Variants in CTNNA2 observed in about 807,000 individuals in gnomAD.
CTNNA2 encodes the protein catenin alpha-2.
A neutral mutation model predicts 101.0 loss-of-function variants in CTNNA2; 42 were observed. The ratio of observed to expected loss-of-function variants is 0.42; its 90% confidence interval spans 0.32 to 0.54. The LOEUF (loss-of-function observed/expected upper bound fraction) is 0.54. Among genes scored for constraint, CTNNA2 ranks in the 20% least tolerant of loss-of-function variants. CTNNA2 has a pLI of 0.14. For synonymous variants in CTNNA2, 450 were observed against 456.4 expected (o/e 0.99, Z 0.18); for missense variants, 871 against 1,223.1 (o/e 0.71, Z 4.29).
At chr2:79,900,997 A>G (rs1277684856) in intron 6 of CTNNA2, among the ~76,000 whole-genome samples, 1 of 152,174 alleles carries the variant, frequency 6.6e-6, no homozygotes. Context: ...TAGAATGGGG[A>G]TGATGATTAA....
intron 7 of CTNNA2, among the ~76,000 whole-genome samples, chr2:80,316,664 T>C (rs1164542235): frequency 6.6e-6 from 1 of 152,198 alleles, no homozygotes; most frequent in Admixed American, 6.5e-5. Flanking sequence ...TGTGTGATGT[T>C]TGCTTGCCAT....
Position 79,931,796 on chromosome 2 carries a change from A to G in CTNNA2, c.1056+21999A>G, listed in dbSNP as rs560833927. On this transcript the variant is annotated intron_variant, in intron 7 of 18. Coordinates refer to ENST00000402739, the MANE Select transcript of CTNNA2 (RefSeq NM_001282597.3). ...ATACAAGCAGATGTTTGCAAAGGCAATACAGGCAAGCAAGTTCAGCTTAAT... is the reference window on the plus strand; with the variant it reads ...ATACAAGCAGATGTTTGCAAAGGCAGTACAGGCAAGCAAGTTCAGCTTAAT... Among the ~76,000 whole-genome samples the G allele has an allele frequency of 1.2e-4, 19 of 152,244 alleles. No homozygotes were observed. The South Asian group carries it at 2.1e-3, about 17-fold the overall frequency.
At chr2:80,200,631 G>A (rs1281119860) in intron 7 of CTNNA2, among the ~76,000 whole-genome samples, 2 of 152,120 alleles carry the variant, frequency 1.3e-5, no homozygotes, top group Non-Finnish European at 2.9e-5. Flanking sequence ...CACCTCCTGG[G>A]TTCAAGCAAT....
At chr2:80,358,284 A>G (rs11890058) in intron 7 of CTNNA2, among the ~76,000 whole-genome samples, 2,546 of 151,786 alleles carry the variant, frequency 0.017, 75 homozygotes, top group African/African-American at 0.057. Flanking sequence ...CATGTAATAG[A>G]TATCAAAATA....
chr2:79,806,766 T>C (rs961642868), intron 3 of CTNNA2, among the ~76,000 whole-genome samples: 1 of 152,030 alleles, frequency 6.6e-6, no homozygotes, highest in African/African-American at 2.4e-5. Context: ...TCCTCCTGCT[T>C]GAAAGTTATA....
chr2:80,289,843 A>T (rs1428604282), intron 7 of CTNNA2, among the ~76,000 whole-genome samples: 2 of 152,186 alleles, frequency 1.3e-5, no homozygotes, highest in Non-Finnish European at 2.9e-5. Context: ...TCAAAAGTGT[A>T]CTTGCCTCCC....
At chr2:79,411,700 G>A (rs1573153570) in intron 4 of CTNNA2, among the ~76,000 whole-genome samples, 1 of 152,098 alleles carries the variant, frequency 6.6e-6, no homozygotes, top group Non-Finnish European at 1.5e-5. Flanking sequence ...ACTGCTGAGA[G>A]ATTTTGTCAC....
At position 80,043,169 on chromosome 2, in the gene CTNNA2, CCTTCCTTCCTTCCTTT is replaced by C. The variant is rs754157588; in HGVS notation, c.1056+133376_1056+133391del. 8.9e-3 allele frequency among the ~76,000 whole-genome samples: 770 copies of C among 86,888 alleles called. 24 individuals carry two copies. The highest frequency in any genetic ancestry group is 0.041 in the African/African-American group (632 of 15,582). 57.0% of individuals were successfully genotyped at this position (86,888 alleles called of 152,430 possible). ...TCCTTCCTTCCTTCCTTCCTTCCTT[CCTTCCTTCCTTCCTTT>C]CTTTCTTTCTTTCTCTCTCTCTTTT... On this transcript the variant is annotated intron_variant, in intron 7 of 18. Coordinates refer to ENST00000402739, the MANE Select transcript of CTNNA2 (RefSeq NM_001282597.3).
intron 7 of CTNNA2, among the ~76,000 whole-genome samples, chr2:80,052,040 A>G (rs537586869): frequency 1.3e-4 from 20 of 152,306 alleles, no homozygotes; most frequent in South Asian, 1.2e-3. Context: ...GATTTTAAGG[A>G]CAACACGGAT....
At chr2:79,889,687 AG>A (rs1419886233) in intron 6 of CTNNA2, among the ~76,000 whole-genome samples, 3 of 152,196 alleles carry the variant, frequency 2.0e-5, no homozygotes, top group African/African-American at 7.2e-5. Context: ...CATAAATACT[AG>A]TTTTCTTCTT....
chr2:80,629,892 C>T (rs1457125235), intron 18 of CTNNA2, among the ~76,000 whole-genome samples: 1 of 152,132 alleles, frequency 6.6e-6, no homozygotes, highest in Non-Finnish European at 1.5e-5. Flanking sequence ...GACCTTTCAC[C>T]TAGGATAAAC....
At chr2:79,545,413 C>T (rs1002964551) in intron 1 of CTNNA2, among the ~76,000 whole-genome samples, 2 of 152,212 alleles carry the variant, frequency 1.3e-5, no homozygotes, top group East Asian at 3.9e-4. Flanking sequence ...AGCCCACATC[C>T]GTGATATGGA....
chr2:79,345,067 TTTG>T (rs1466535397), intron 3 of CTNNA2, among the ~76,000 whole-genome samples: 7 of 147,750 alleles, frequency 4.7e-5, no homozygotes, highest in Non-Finnish European at 8.9e-5. Context: ...ATGGAGCTGA[TTTG>T]TTGTTGTTAA....
intron 1 of CTNNA2, among the ~76,000 whole-genome samples, chr2:79,529,920 T>G (rs1350385067): frequency 6.6e-6 from 1 of 151,872 alleles, no homozygotes; most frequent in Non-Finnish European, 1.5e-5. Flanking sequence ...CTTGGTGGAC[T>G]AGGATTGTAG....
intron 3 of CTNNA2, among the ~76,000 whole-genome samples, chr2:79,810,053 G>A (rs1016498435): frequency 6.6e-6 from 1 of 152,122 alleles, no homozygotes; most frequent in Admixed American, 6.5e-5. Flanking sequence ...ATAATGACAG[G>A]ATCAAATTCA....
At chr2:79,519,429 A>G (rs898147787) in intron 1 of CTNNA2, among the ~76,000 whole-genome samples, 15 of 152,090 alleles carry the variant, frequency 9.9e-5, no homozygotes, top group African/African-American at 3.1e-4. Flanking sequence ...AGCACACTGA[A>G]CCAAGGCAAC....
intron 3 of CTNNA2, among the ~76,000 whole-genome samples, chr2:79,841,384 AT>A (rs909411660): frequency 1.8e-4 from 27 of 152,246 alleles, no homozygotes; most frequent in African/African-American, 6.0e-4. Flanking sequence ...AGCATTATTA[AT>A]TTTTTTCCTA....
chr2:79,956,868 T>TC (rs1689275321), intron 7 of CTNNA2, among the ~76,000 whole-genome samples: 1 of 120,070 alleles, frequency 8.3e-6, no homozygotes, highest in African/African-American at 3.0e-5. Flanking sequence ...TTTTTTTTTT[T>TC]CAGTGTATGA....
intron 7 of CTNNA2, among the ~76,000 whole-genome samples, chr2:79,950,236 AC>A (rs1253848461): frequency 6.6e-6 from 1 of 152,084 alleles, no homozygotes; most frequent in African/African-American, 2.4e-5. Flanking sequence ...TGTATTCATT[AC>A]GAACAAAAAA....
Sources: allele counts gnomAD v4.1 joint callset (sites outside exome capture counted in the v4.1 genomes callset), GRCh38; gene constraint gnomAD v4.1.1; transcripts MANE v1.5; gene names NCBI Gene and HGNC (gene_info 2026-07-23, HGNC 2026-07-21).